Variants in CNTRL observed in about 807,000 individuals in gnomAD.
The protein encoded by CNTRL is 110 kDa centrosomal protein.
CNTRL carries 233 observed loss-of-function variants against 303.7 expected under a neutral mutation model. The ratio of observed to expected loss-of-function variants is 0.77; its 90% CI spans 0.69 to 0.86. The LOEUF (loss-of-function observed/expected upper bound fraction) is 0.86. CNTRL is among the 40% of genes least tolerant of loss of function. The pLI, the probability that CNTRL is intolerant of heterozygous loss-of-function variation, is 0.00. For missense variants in CNTRL, 2,524 were observed against 2,650.6 expected (o/e 0.95, Z 1.05); for synonymous variants, 900 against 922.2 (o/e 0.98, Z 0.44).
At chr9:121,169,880 A>G in intron 39 of CNTRL, 64 bp downstream of exon 39, 4 of 1,281,666 alleles carry the variant, frequency 3.1e-6, no homozygotes, top group Middle Eastern at 2.2e-4. Context: ...AAACTGCAAC[A>G]CCACTTCAAC....
At chr9:121,158,813 A>G in intron 30 of CNTRL, 42 bp from the exon 31 acceptor site, 2 of 1,588,376 alleles carry the variant, frequency 1.3e-6, no homozygotes, top group East Asian at 4.5e-5. Context: ...TGAGGGCTGT[A>G]TGGCCTTTGT....
At chr9:121,106,169 T>C (rs2049458158) in intron 7 of CNTRL, among the ~76,000 whole-genome samples, 1 of 151,882 alleles carries the variant, frequency 6.6e-6, no homozygotes, top group Non-Finnish European at 1.5e-5. Flanking sequence ...CAAAACCCCA[T>C]CTCTACTAAA....
At chr9:121,177,094 C>T (rs2053558754) in intron 43 of CNTRL, 69 bp from the exon 44 acceptor site, 13 of 1,252,942 alleles carry the variant, frequency 1.0e-5, no homozygotes, top group Non-Finnish European at 1.5e-5. Flanking sequence ...GCCATCATGC[C>T]ATCACTTAGT....
At position 121,173,714 on chromosome 9, in the gene CNTRL, C is replaced by G; in HGVS notation, c.6724C>G (p.Arg2242Gly). 1 of 1,613,996 alleles carries G rather than the reference C, an allele frequency of 6.2e-7. No homozygotes were observed. The highest frequency in any genetic ancestry group is 2.2e-5 in the East Asian group (1 of 44,866). The change falls in exon 42 of 44, where the codon CGT becomes GGT. Residue 2242 changes from arginine (R) to glycine (G), a missense_variant. Transcript: ENST00000373855. ...WRGEALREKLRHREDRLKAQL... is the reference protein window; with the variant it reads ...WRGEALREKLGHREDRLKAQL... ...TGGAGAAGCACTCCGGGAGAAACTG[C>G]GTCACCGGGAAGACCGACTCAAGGT... is the stretch of plus-strand genomic sequence containing the variant.
At chr9:121,140,270 T>G (rs1472615084) in intron 16 of CNTRL, among the ~76,000 whole-genome samples, 1 of 152,218 alleles carries the variant, frequency 6.6e-6, no homozygotes, top group Non-Finnish European at 1.5e-5. Flanking sequence ...ATGGAGAGAA[T>G]GAGAACCTAT....
chr9:121,103,655 C>G, intron 7 of CNTRL, among the ~76,000 whole-genome samples: 1 of 152,186 alleles, frequency 6.6e-6, no homozygotes, highest in East Asian at 1.9e-4. Flanking sequence ...ACCCATCTGA[C>G]AAAGGGCTAA....
chr9:121,133,702 T>G lies in CNTRL; in HGVS notation c.2026-2104T>G, dbSNP rs536792999. On this transcript the variant is annotated intron_variant, in intron 14 of 43. Coordinates refer to ENST00000373855, the MANE Select transcript of CNTRL (RefSeq NM_007018.6). Reference sequence around the variant, plus strand: ...CAATGAGATAAACCAGGTACCTCAGTTGGAAATGCAGAAATCACCCGTCGT... The same window carrying G: ...CAATGAGATAAACCAGGTACCTCAGGTGGAAATGCAGAAATCACCCGTCGT... Among the ~76,000 whole-genome samples the G allele has an allele frequency of 8.7e-4, 133 of 152,296 alleles. 1 individual carries two copies. Among genetic ancestry groups the G allele is most frequent in the African/African-American group, 3.0e-3 (124 of 41,578 alleles).
At chr9:121,173,649 A>G (rs755337338) in intron 41 of CNTRL, 26 bp from the exon 42 acceptor site, 8 of 1,613,452 alleles carry the variant, frequency 5.0e-6, no homozygotes, top group South Asian at 4.4e-5. Context: ...ATGATTCATG[A>G]TATCTCTATT....
At chr9:121,165,177 T>A (rs1035520079) in intron 35 of CNTRL, 77 bp downstream of exon 35, 1 of 1,312,072 alleles carries the variant, frequency 7.6e-7, no homozygotes, top group Non-Finnish European at 1.0e-6. Flanking sequence ...TTACGACAAG[T>A]AATTCCTGCT....
intron 12 of CNTRL, chr9:121,122,006 G>GATGT: frequency 1.2e-6 from 1 of 820,678 alleles, no homozygotes; most frequent in African/African-American, 1.9e-5. Flanking sequence ...AGGAGTCAGA[G>GATGT]ATGTAAGTTC....
chr9:121,082,824 G>T (rs970267474), intron 2 of CNTRL, among the ~76,000 whole-genome samples: 2 of 152,008 alleles, frequency 1.3e-5, no homozygotes, highest in East Asian at 3.9e-4. Context: ...ACCAAAATTA[G>T]CCAGGCGTGG....
intron 1 of CNTRL, among the ~76,000 whole-genome samples, chr9:121,077,065 T>TG (rs1336225085): frequency 1.3e-5 from 2 of 152,090 alleles, no homozygotes; most frequent in African/African-American, 2.4e-5. Flanking sequence ...TACTAAGCTG[T>TG]GATGGACTGA....
At chr9:121,138,796 A>T in intron 16 of CNTRL, 117 bp downstream of exon 16, 1 of 996,614 alleles carries the variant, frequency 1.0e-6, no homozygotes, top group Non-Finnish European at 1.5e-6. Flanking sequence ...GAATTACTAG[A>T]AAAAAGGGAA....
intron 2 of CNTRL, among the ~76,000 whole-genome samples, chr9:121,086,505 A>G (rs2048346659): frequency 6.6e-6 from 1 of 152,194 alleles, no homozygotes; most frequent in South Asian, 2.1e-4. Flanking sequence ...TGAGGAGGCC[A>G]GTGTGACTGG....
chr9:121,081,694 G>T (rs1347769042), intron 2 of CNTRL, among the ~76,000 whole-genome samples: 1 of 152,230 alleles, frequency 6.6e-6, no homozygotes, highest in African/African-American at 2.4e-5. Context: ...TACGTGGAAA[G>T]GGGTATGAAG....
chr9:121,145,474 A>T, intron 22 of CNTRL, 89 bp downstream of exon 22: 2 of 1,290,218 alleles, frequency 1.6e-6, no homozygotes, highest in Non-Finnish European at 2.1e-6. Context: ...ACTGTTACAA[A>T]TCAAGTCCAT....
chr9:121,095,189 C>CT (rs2048838097), intron 5 of CNTRL, among the ~76,000 whole-genome samples, 171 bp downstream of exon 5: 1 of 152,094 alleles, frequency 6.6e-6, no homozygotes, highest in Non-Finnish European at 1.5e-5. Flanking sequence ...AGGTAACTGT[C>CT]TTTATGTTTT....
At chr9:121,148,222 G>A (rs2051998760) in intron 23 of CNTRL, among the ~76,000 whole-genome samples, 1 of 152,202 alleles carries the variant, frequency 6.6e-6, no homozygotes. Flanking sequence ...TAGATAACAT[G>A]CTTTTTCCAT....
In CNTRL at chr9:121,171,518, G is replaced by GCTCAAC; in HGVS notation, c.6388_6389insTCAACC (p.Met2129_Gln2130insLeuAsn). 2 of 1,614,004 alleles carry GCTCAAC rather than the reference G, an allele frequency of 1.2e-6. No individual in the cohort carries two copies. The highest frequency in any genetic ancestry group is 3.3e-5 in the Admixed American group (2 of 60,008). ...GCCTGATGAAGGAGCTCAACCAGAT[G>GCTCAAC]CAGTATGAGTACACGGAGCTCAAGA... On this transcript the variant is annotated inframe_insertion, in exon 40 of 44. Transcript: ENST00000373855.
Sources: gnomAD v4.1 joint callset for allele counts (sites outside exome capture counted in the v4.1 genomes callset) on GRCh38, gnomAD v4.1.1 for gene constraint, MANE v1.5 for transcripts, NCBI Gene and HGNC (gene_info 2026-07-23, HGNC 2026-07-21) for gene names.